CEP152: variants seen among roughly 807,000 people sequenced by gnomAD.
CEP152 encodes the protein centrosomal protein of 152 kDa.
A neutral mutation model predicts 188.9 loss-of-function variants in CEP152; 132 were observed. The ratio of observed to expected loss-of-function variants is 0.70; its 90% CI spans 0.61 to 0.81. CEP152 has a LOEUF of 0.81. Ranked by LOEUF, CEP152 falls within the 30% of genes least tolerant of loss-of-function variation. The pLI, the probability that CEP152 is intolerant of heterozygous loss-of-function variation, is 0.00. For synonymous variants in CEP152, 649 were observed against 666.6 expected (o/e 0.97, Z 0.41); for missense variants, 1,914 against 1,969.8 (o/e 0.97, Z 0.54).
chr15:48,760,248 T>C lies in CEP152; in HGVS notation c.2581A>G (p.Asn861Asp). ...TCTCCCAGCCATCGCTGATGAGCATTTTGCACAGCTATTTCTACCTGTAGG... is the reference window on the plus strand; with the variant it reads ...TCTCCCAGCCATCGCTGATGAGCATCTTGCACAGCTATTTCTACCTGTAGG... ...ITKQVEIAVQ[N>D]AHQRWLGELP... The change falls in exon 19 of 27, where the codon AAT becomes GAT. Residue 861 changes from asparagine (N) to aspartate (D), a missense_variant. Asn to Asp is a conservative substitution (Grantham distance 23). Coordinates refer to ENST00000380950, the MANE Select transcript of CEP152 (RefSeq NM_001194998.2). 1 of 1,614,094 alleles carries C rather than the reference T, an allele frequency of 6.2e-7. No individual in the cohort carries two copies. Among genetic ancestry groups the C allele is most frequent in the Non-Finnish European group, 8.5e-7 (1 of 1,179,946 alleles).
chr15:48,788,131 T>A (rs1488930160), intron 9 of CEP152, among the ~76,000 whole-genome samples: 1 of 152,172 alleles, frequency 6.6e-6, no homozygotes, highest in African/African-American at 2.4e-5. Flanking sequence ...CCTCTCAAGT[T>A]CTAGCCAGCC....
chr15:48,741,382 A>G, intron 26 of CEP152: 1 of 1,384,622 alleles, frequency 7.2e-7, no homozygotes, highest in Admixed American at 3.0e-5. Context: ...ATTTCGAGGG[A>G]TGGAAGCAGC....
chr15:48,768,894 A>G (rs940471267), intron 14 of CEP152, 62 bp downstream of exon 14: 2 of 1,257,636 alleles, frequency 1.6e-6, no homozygotes, highest in Non-Finnish European at 2.2e-6. Flanking sequence ...ACTCTATTAT[A>G]TCCTTTGTAT....
chr15:48,744,371 A>G, intron 23 of CEP152, 28 bp from the exon 24 acceptor site: 1 of 1,613,626 alleles, frequency 6.2e-7, no homozygotes, highest in East Asian at 2.2e-5. Context: ...GATTACAAAA[A>G]CAGAAATGGT....
In CEP152 at chr15:48,748,522, C is replaced by A; in HGVS notation, c.3555G>T (p.Leu1185=). ...LEKAKQECQD[L]KGKLEKCCRH... is the part of the protein sequence containing the mutation. ...TACAGCATTTCTCCAGTTTTCCTTT[C>A]AGATCTTGACATTCCTGCTTTGCCT... Residue 1185 remains leucine (L), a synonymous_variant, in exon 22 of 27, where the codon CTG becomes CTT. Coordinates refer to ENST00000380950, the MANE Select transcript of CEP152 (RefSeq NM_001194998.2). 1.3e-6 allele frequency: 2 copies of A among 1,535,092 alleles called. No individual in the cohort carries two copies. Among genetic ancestry groups the A allele is most frequent in the Non-Finnish European group, 1.7e-6 (2 of 1,146,360 alleles).
downstream of CEP152, among the ~76,000 whole-genome samples, chr15:48,736,865 G>T (rs566621310): frequency 2.8e-4 from 42 of 152,242 alleles, no homozygotes; most frequent in African/African-American, 9.9e-4. Context: ...CTAAAAACAA[G>T]GGCTTAAAAC....
intron 22 of CEP152, 97 bp downstream of exon 22, chr15:48,748,346 A>G: frequency 7.6e-7 from 1 of 1,309,764 alleles, no homozygotes; most frequent in Non-Finnish European, 9.7e-7. Context: ...ATCCCAAAAG[A>G]GGATCAGTGC....
At chr15:48,802,518 C>T (rs1444462756) in intron 2 of CEP152, among the ~76,000 whole-genome samples, 2 of 152,190 alleles carry the variant, frequency 1.3e-5, no homozygotes, top group African/African-American at 4.8e-5. Context: ...ATGTACCTCT[C>T]TACTATGCCT....
At chr15:48,782,304 G>T in intron 10 of CEP152, 74 bp from the exon 11 acceptor site, 1 of 1,248,636 alleles carries the variant, frequency 8.0e-7, no homozygotes, top group Non-Finnish European at 1.2e-6. Context: ...CAGAAGACTT[G>T]AATCCACTGA....
intron 1 of CEP152, chr15:48,810,576 G>T (rs979698724): frequency 6.6e-6 from 1 of 152,316 alleles, no homozygotes; most frequent in South Asian, 2.1e-4. Context: ...GCCGCACGGG[G>T]CCCAGGATGC....
At chr15:48,732,701 G>A (rs1029547259) in intron 2 of CEP152, among the ~76,000 whole-genome samples, 1 of 150,602 alleles carries the variant, frequency 6.6e-6, no homozygotes, top group East Asian at 2.0e-4. Context: ...CATGATCAAT[G>A]ATGAATCTCT....
chr15:48,783,875 T>A, intron 10 of CEP152, 98 bp downstream of exon 10: 1 of 1,197,588 alleles, frequency 8.4e-7, no homozygotes, highest in Non-Finnish European at 1.2e-6. Flanking sequence ...TTGTGTTTTC[T>A]GTCCCTTCTG....
intron 22 of CEP152, among the ~76,000 whole-genome samples, chr15:48,747,255 C>T (rs1327764125): frequency 6.6e-6 from 1 of 152,116 alleles, no homozygotes; most frequent in Non-Finnish European, 1.5e-5. Context: ...AGTGGATGTA[C>T]AAAATAAACT....
intron 7 of CEP152, among the ~76,000 whole-genome samples, chr15:48,792,735 G>A (rs1396808291): frequency 1.3e-5 from 2 of 151,918 alleles, no homozygotes; most frequent in African/African-American, 4.8e-5. Context: ...AGGACAGAAT[G>A]CCATCAGTAC....
Position 48,739,296 on chromosome 15 carries a change from GT to G in CEP152, c.4094-9del. ...CTGAAGTTAGGGGCAGTGCTATTAT[GT>G]GCAAGGAAACACGAAATTAAGAGAA... On this transcript the variant is annotated splice_polypyrimidine_tract_variant and intron_variant, in intron 26 of 26. Transcript: ENST00000380950. The G allele has an allele frequency of 6.3e-7, 1 of 1,596,220 alleles. No homozygotes were observed. The highest frequency in any genetic ancestry group is 8.5e-7 in the Non-Finnish European group (1 of 1,174,530).
At chr15:48,777,506 A>C (rs368792619) in intron 12 of CEP152, among the ~76,000 whole-genome samples, 1 of 128,064 alleles carries the variant, frequency 7.8e-6, no homozygotes. Flanking sequence ...GTCTGTGTGT[A>C]TGGGTGTGCG....
At chr15:48,732,463 TCA>T (rs1892454032) in intron 2 of CEP152, among the ~76,000 whole-genome samples, 1 of 151,832 alleles carries the variant, frequency 6.6e-6, no homozygotes, top group Non-Finnish European at 1.5e-5. Flanking sequence ...ATGTTCTCAC[TCA>T]TAAGTGAGTG....
At chr15:48,805,112 A>C (rs572119888) in intron 2 of CEP152, among the ~76,000 whole-genome samples, 5 of 152,220 alleles carry the variant, frequency 3.3e-5, no homozygotes, top group South Asian at 2.1e-4. Flanking sequence ...ATAGCACTCC[A>C]ATTTGTTTCC....
intron 2 of CEP152, among the ~76,000 whole-genome samples, chr15:48,803,253 T>C (rs1274541343): frequency 6.6e-6 from 1 of 152,196 alleles, no homozygotes; most frequent in Non-Finnish European, 1.5e-5. Flanking sequence ...AAAACAGCTT[T>C]TTTTCTTTAA....
Sources: allele counts gnomAD v4.1 joint callset (sites outside exome capture counted in the v4.1 genomes callset), GRCh38; gene constraint gnomAD v4.1.1; transcripts MANE v1.5; gene names NCBI Gene and HGNC (gene_info 2026-07-23, HGNC 2026-07-21).